Variants in TP63 observed in about 807,000 individuals in gnomAD.
The protein encoded by TP63 is tumor protein 63.
Under a neutral mutation model 82.8 loss-of-function variants are expected in TP63, and 17 were observed. The observed-to-expected ratio is 0.21, with a 90% CI of 0.14 to 0.31. TP63 has a LOEUF of 0.31. Ranked by LOEUF, TP63 falls within the 10% of genes least tolerant of loss-of-function variation. TP63 has a pLI of 1.00. For synonymous variants in TP63, 330 were observed against 321.7 expected (o/e 1.03, Z -0.28); for missense variants, 648 against 895.3 (o/e 0.72, Z 3.52).
At chr3:189,613,404 T>C in the TP63 span, among the ~76,000 whole-genome samples, 1 of 152,148 alleles carries the variant, frequency 6.6e-6, no homozygotes, top group Non-Finnish European at 1.5e-5. Context: ...AGTAAAGAAT[T>C]GAGATTTGGG....
intron 11 of TP63, among the ~76,000 whole-genome samples, chr3:189,887,507 G>T (rs1426261268): frequency 6.6e-6 from 1 of 152,052 alleles, no homozygotes; most frequent in African/African-American, 2.4e-5. Context: ...TAAGAATTGG[G>T]CCTCCAAGTG....
chr3:189,653,210 G>T (rs1713046532), intron 1 of TP63, among the ~76,000 whole-genome samples: 4 of 152,140 alleles, frequency 2.6e-5, no homozygotes, highest in African/African-American at 9.7e-5. Flanking sequence ...AGTTACTCAT[G>T]TTCTTGGTCC....
At chr3:189,883,610 C>A (rs2108848298) in intron 10 of TP63, among the ~76,000 whole-genome samples, 1 of 152,262 alleles carries the variant, frequency 6.6e-6, no homozygotes, top group Middle Eastern at 3.4e-3. Flanking sequence ...AATCACTGGA[C>A]CCTGTCCAGG....
chr3:189,849,444 C>T (rs978928678), intron 4 of TP63, among the ~76,000 whole-genome samples: 1 of 152,072 alleles, frequency 6.6e-6, no homozygotes, highest in Non-Finnish European at 1.5e-5. Context: ...TTGGAGGACA[C>T]CCAGCTTGGT....
intron 1 of TP63, among the ~76,000 whole-genome samples, chr3:189,683,309 A>T (rs891971854): frequency 6.6e-6 from 1 of 152,216 alleles, no homozygotes; most frequent in African/African-American, 2.4e-5. Context: ...TGTACAGATG[A>T]GAAAATATGC....
chr3:189,789,735 G>T lies in TP63; in HGVS notation c.325-18537G>T, dbSNP rs1049647566. ...ATTCATATTGTAAGGGTCTCGGGGT[G>T]GGGGGGTTGGCAAAATCCTGGAGCC... On this transcript the variant is annotated intron_variant, in intron 3 of 13. Transcript: ENST00000264731. 2.0e-5 allele frequency: 31 copies of T among 1,535,968 alleles called. 1 individual carries two copies. In the African/African-American group the frequency reaches 2.2e-4, roughly 11 times the overall value.
chr3:189,718,631 T>C (rs1014135643), intron 1 of TP63, among the ~76,000 whole-genome samples: 29 of 151,620 alleles, frequency 1.9e-4, no homozygotes, highest in African/African-American at 6.1e-4. Context: ...ACTGCATAAA[T>C]AACATTTAGC....
chr3:189,666,316 A>G (rs1170328988), intron 1 of TP63, among the ~76,000 whole-genome samples: 2 of 152,128 alleles, frequency 1.3e-5, no homozygotes, highest in Non-Finnish European at 2.9e-5. Flanking sequence ...CTTAGGTTTA[A>G]TAAGACATAT....
chr3:189,809,721 G>A (rs891456269), intron 4 of TP63, among the ~76,000 whole-genome samples: 5 of 152,120 alleles, frequency 3.3e-5, no homozygotes, highest in African/African-American at 1.2e-4. Flanking sequence ...CCTTTAGTTT[G>A]TATAGTTTAT....
intron 3 of TP63, among the ~76,000 whole-genome samples, chr3:189,791,549 G>T (rs1383227696): frequency 1.3e-5 from 2 of 152,050 alleles, no homozygotes; most frequent in Non-Finnish European, 2.9e-5. Flanking sequence ...ATGTAATCAA[G>T]AGCTACAAAA....
intron 3 of TP63, among the ~76,000 whole-genome samples, chr3:189,767,810 C>T (rs1723060027): frequency 1.3e-5 from 2 of 152,202 alleles, no homozygotes; most frequent in South Asian, 4.1e-4. Flanking sequence ...GACTGTTGTA[C>T]AGAGACAAAA....
At chr3:189,869,803 T>C (rs763107528) in intron 9 of TP63, among the ~76,000 whole-genome samples, 1 of 152,064 alleles carries the variant, frequency 6.6e-6, no homozygotes, top group Non-Finnish European at 1.5e-5. Flanking sequence ...ACTCACCTTC[T>C]AATGTCATCA....
chr3:189,859,249 T>C (rs996303228), intron 4 of TP63, among the ~76,000 whole-genome samples: 1 of 152,220 alleles, frequency 6.6e-6, no homozygotes, highest in African/African-American at 2.4e-5. Flanking sequence ...TGTACAATTC[T>C]TTTGTATCAA....
intron 10 of TP63, among the ~76,000 whole-genome samples, chr3:189,878,296 C>A (rs1447686196): frequency 6.6e-6 from 1 of 151,100 alleles, no homozygotes; most frequent in Non-Finnish European, 1.5e-5. Flanking sequence ...AAATTGCCAG[C>A]TTTATAGGTT....
At chr3:189,650,986 G>C (rs148588070) in intron 1 of TP63, among the ~76,000 whole-genome samples, 6 of 147,292 alleles carry the variant, frequency 4.1e-5, no homozygotes, top group Non-Finnish European at 5.9e-5. Context: ...AATGCTGATA[G>C]TGATATGGAC....
intron 3 of TP63, among the ~76,000 whole-genome samples, chr3:189,775,152 G>A (rs1038861342): frequency 9.9e-5 from 15 of 151,104 alleles, no homozygotes; most frequent in Middle Eastern, 3.4e-3. Context: ...CCTGGGAGGC[G>A]GAGGTTGTGG....
chr3:189,659,741 A>C (rs13095135), intron 1 of TP63, among the ~76,000 whole-genome samples: 17,449 of 151,822 alleles, frequency 0.11, 1,349 homozygotes, highest in East Asian at 0.38. Context: ...TAGTAATAGA[A>C]ATTCTAAATG....
intron 3 of TP63, among the ~76,000 whole-genome samples, chr3:189,748,376 A>G (rs1420442763): frequency 2.0e-5 from 3 of 152,064 alleles, no homozygotes; most frequent in African/African-American, 7.2e-5. Flanking sequence ...AATCAGTAGC[A>G]TTTCTATACA....
At chr3:189,637,620 C>G (rs548187683) in intron 1 of TP63, among the ~76,000 whole-genome samples, 3 of 152,220 alleles carry the variant, frequency 2.0e-5, no homozygotes, top group Non-Finnish European at 2.9e-5. Context: ...CTCTTTAACA[C>G]AAAACATAGC....
Sources: allele counts gnomAD v4.1 joint callset (sites outside exome capture counted in the v4.1 genomes callset), GRCh38; gene constraint gnomAD v4.1.1; transcripts MANE v1.5; gene names NCBI Gene and HGNC (gene_info 2026-07-23, HGNC 2026-07-21).